DRC11: variants seen among roughly 807,000 people sequenced by gnomAD.
DRC11 encodes dynein regulatory complex subunit 11, also known as IQ and AAA domain-containing protein 1.
chr2:236,437,003 C>T, the DRC11 span, among the ~76,000 whole-genome samples: 2 of 151,828 alleles, frequency 1.3e-5, no homozygotes, highest in Non-Finnish European at 2.9e-5. Context: ...AGGTTAGTTA[C>T]ATATGTATAC....
chr2:236,435,774 A>T, the DRC11 span, among the ~76,000 whole-genome samples: 2 of 152,162 alleles, frequency 1.3e-5, no homozygotes, highest in African/African-American at 4.8e-5. Flanking sequence ...AAGCATATTA[A>T]TGCCATATTG....
the DRC11 span, among the ~76,000 whole-genome samples, chr2:236,357,524 A>T: frequency 3.8e-3 from 485 of 126,620 alleles, 4 homozygotes; most frequent in African/African-American, 0.013. Context: ...ATATATTTAT[A>T]TATTATGAAT....
At chr2:236,360,406 T>C in the DRC11 span, among the ~76,000 whole-genome samples, 1 of 152,234 alleles carries the variant, frequency 6.6e-6, no homozygotes, top group Non-Finnish European at 1.5e-5. This position sits in a 1 kb window ranked among gnomAD's most constrained non-coding sequence, Gnocchi z 5.8. Flanking sequence ...CAGTCTGGGA[T>C]ATATAGATGC....
the DRC11 span, among the ~76,000 whole-genome samples, chr2:236,335,163 T>C: frequency 9.8e-5 from 15 of 152,294 alleles, no homozygotes; most frequent in Admixed American, 9.1e-4. This position sits in a 1 kb window ranked among gnomAD's most constrained non-coding sequence, Gnocchi z 5.6. Flanking sequence ...TTGAGCTCCA[T>C]TGCGGGTGGA....
At chr2:236,395,794 G>A in the DRC11 span, among the ~76,000 whole-genome samples, 2 of 152,136 alleles carry the variant, frequency 1.3e-5, no homozygotes, top group Non-Finnish European at 2.9e-5. Context: ...TTCTGCAATA[G>A]CAGCACCTAC....
the DRC11 span, among the ~76,000 whole-genome samples, chr2:236,451,811 G>C: frequency 6.6e-6 from 1 of 152,198 alleles, no homozygotes. Flanking sequence ...AGCTGCCATT[G>C]ATTAGTTAGC....
chr2:236,388,514 A>G, the DRC11 span, among the ~76,000 whole-genome samples: 1 of 151,592 alleles, frequency 6.6e-6, no homozygotes, highest in African/African-American at 2.4e-5. Flanking sequence ...CAGCTCCATC[A>G]GCTCCTTTAA....
the DRC11 span, among the ~76,000 whole-genome samples, chr2:236,380,333 TAA>T: frequency 1.4e-3 from 219 of 152,342 alleles, 1 homozygote; most frequent in African/African-American, 4.6e-3. This position sits in a 1 kb window ranked among gnomAD's most constrained non-coding sequence, Gnocchi z 4.9. Context: ...CCATGAATTT[TAA>T]AACTTAAAAA....
At chr2:236,342,355 A>G in the DRC11 span, among the ~76,000 whole-genome samples, 1 of 152,200 alleles carries the variant, frequency 6.6e-6, no homozygotes, top group Non-Finnish European at 1.5e-5. This position sits in a 1 kb window ranked among gnomAD's most constrained non-coding sequence, Gnocchi z 5.8. Context: ...GGAGCAGGTT[A>G]CGATGCCTCC....
At chr2:236,366,778 C>CCTCCCT in the DRC11 span, among the ~76,000 whole-genome samples, 4 of 134,130 alleles carry the variant, frequency 3.0e-5, no homozygotes, top group South Asian at 2.4e-4. Context: ...TCCCTCCCTC[C>CCTCCCT]CTCCCTCTCC....
chr2:236,501,707 A>G, the DRC11 span, among the ~76,000 whole-genome samples: 1 of 152,176 alleles, frequency 6.6e-6, no homozygotes, highest in Non-Finnish European at 1.5e-5. Flanking sequence ...AGACATACTA[A>G]CAGGTGTGAC....
chr2:236,465,454 C>T, the DRC11 span: 136 of 1,475,014 alleles, frequency 9.2e-5, no homozygotes, highest in African/African-American at 1.7e-3. The surrounding 1 kb of genome is among the most constrained non-coding windows in gnomAD (Gnocchi z 6.2). Flanking sequence ...ATACAATAAC[C>T]TCAGCCACTA....
chr2:236,458,001 A>G, the DRC11 span, among the ~76,000 whole-genome samples: 5 of 152,266 alleles, frequency 3.3e-5, no homozygotes, highest in African/African-American at 1.2e-4. Flanking sequence ...ATAGAATTAT[A>G]GAATGAGTGC....
the DRC11 span, among the ~76,000 whole-genome samples, chr2:236,352,093 G>A: frequency 4.6e-5 from 7 of 152,204 alleles, no homozygotes; most frequent in East Asian, 1.9e-4. This position sits in a 1 kb window ranked among gnomAD's most constrained non-coding sequence, Gnocchi z 7.0. Flanking sequence ...CAGGGAAGAC[G>A]ATGATAGAGG....
At chr2:236,312,356 AAT>A in the DRC11 span, among the ~76,000 whole-genome samples, 2 of 152,322 alleles carry the variant, frequency 1.3e-5, no homozygotes, top group South Asian at 2.1e-4. Flanking sequence ...CTTAAAAAAA[AAT>A]ATTGTATTCT....
At chr2:236,370,674 AAGTG>A in the DRC11 span, among the ~76,000 whole-genome samples, 1 of 152,274 alleles carries the variant, frequency 6.6e-6, no homozygotes, top group South Asian at 2.1e-4. The surrounding 1 kb of genome is among the most constrained non-coding windows in gnomAD (Gnocchi z 5.5). Context: ...AGCCAAATTA[AAGTG>A]ATATAAAGAA....
chr2:236,339,196 C>A, the DRC11 span, among the ~76,000 whole-genome samples: 3 of 152,146 alleles, frequency 2.0e-5, no homozygotes, highest in Non-Finnish European at 1.5e-5. Context: ...GCTTATTGGT[C>A]ATTTGTGTAT....
chr2:236,388,021 C>T, the DRC11 span, among the ~76,000 whole-genome samples: 48 of 152,194 alleles, frequency 3.2e-4, no homozygotes, highest in South Asian at 7.9e-3. Context: ...GGGTTTCTGC[C>T]GAGAGATCAG....
the DRC11 span, chr2:236,465,609 G>A: frequency 6.2e-7 from 1 of 1,613,878 alleles, no homozygotes; most frequent in Non-Finnish European, 8.5e-7. The surrounding 1 kb of genome is among the most constrained non-coding windows in gnomAD (Gnocchi z 6.2). Flanking sequence ...GGGCTTCCCT[G>A]TAGTCCTCTT....
Sources: allele counts gnomAD v4.1 joint callset (sites outside exome capture counted in the v4.1 genomes callset), GRCh38; gene constraint gnomAD v4.1.1; non-coding constraint Gnocchi (gnomAD v3.1); transcripts MANE v1.5; gene names NCBI Gene and HGNC (gene_info 2026-07-23, HGNC 2026-07-21).